Variants in COMMD1 observed in about 807,000 individuals in gnomAD.
The protein encoded by COMMD1 is COMM domain-containing protein 1.
A neutral mutation model predicts 17.2 loss-of-function variants in COMMD1; 10 were observed. That is an observed-to-expected ratio of 0.58 (90% confidence interval 0.36 to 0.99). The LOEUF is 0.99. Ranked by LOEUF, COMMD1 falls within the 50% of genes least tolerant of loss-of-function variation. The probability of loss-of-function intolerance (pLI) is 0.01; values close to 1 mark genes in which losing one functional copy is unlikely to be tolerated. For missense variants in COMMD1, 270 were observed against 231.8 expected (o/e 1.17, Z -1.07); for synonymous variants, 97 against 91.6 (o/e 1.06, Z -0.34).
chr2:61,977,091 G>T (rs1671822358), intron 1 of COMMD1, among the ~76,000 whole-genome samples: 1 of 151,804 alleles, frequency 6.6e-6, no homozygotes, highest in Non-Finnish European at 1.5e-5. Context: ...CAAAGTGCTG[G>T]GATTACAGGC....
chr2:62,086,918 C>T (rs779785353), intron 2 of COMMD1, among the ~76,000 whole-genome samples: 4 of 151,482 alleles, frequency 2.6e-5, no homozygotes, highest in Admixed American at 1.3e-4. Context: ...TGCGGTAGTG[C>T]GATCTCAGCT....
At chr2:61,940,594 C>T (rs13417827) in intron 1 of COMMD1, among the ~76,000 whole-genome samples, 12,031 of 152,204 alleles carry the variant, frequency 0.079, 1,131 homozygotes, top group African/African-American at 0.22. Flanking sequence ...TGTCAGCTTT[C>T]TCATGATAAC....
upstream of COMMD1, among the ~76,000 whole-genome samples, chr2:61,902,856 T>G (rs1403055175): frequency 6.6e-6 from 1 of 151,732 alleles, no homozygotes; most frequent in East Asian, 2.0e-4. Flanking sequence ...AAAATTAAAT[T>G]AAATGAAATT....
intron 2 of COMMD1, among the ~76,000 whole-genome samples, chr2:62,047,916 A>T (rs1327999905): frequency 6.6e-6 from 1 of 152,226 alleles, no homozygotes; most frequent in Admixed American, 6.5e-5. Flanking sequence ...AACATGCTGT[A>T]CAGGTTTATA....
intron 2 of COMMD1, among the ~76,000 whole-genome samples, chr2:62,026,018 T>C (rs191053129): frequency 6.6e-6 from 1 of 152,066 alleles, no homozygotes. Flanking sequence ...TTCTACCTAC[T>C]TTGCACTTAG....
intron 1 of COMMD1, among the ~76,000 whole-genome samples, chr2:61,933,033 T>A (rs576399450): frequency 2.9e-4 from 44 of 152,116 alleles, no homozygotes; most frequent in Admixed American, 9.2e-4. Flanking sequence ...GTGGAGGATT[T>A]TACTGGGCAA....
At chr2:62,048,825 G>A (rs986251956) in intron 2 of COMMD1, among the ~76,000 whole-genome samples, 1 of 152,054 alleles carries the variant, frequency 6.6e-6, no homozygotes, top group Non-Finnish European at 1.5e-5. Context: ...AGGCCTTGGG[G>A]TGAGTTCTGA....
At chr2:62,011,089 A>G (rs775881317) in intron 2 of COMMD1, among the ~76,000 whole-genome samples, 1 of 152,126 alleles carries the variant, frequency 6.6e-6, no homozygotes, top group African/African-American at 2.4e-5. Context: ...GTCTTACTCC[A>G]GATATGGCTA....
chr2:62,015,709 T>C (rs1159716704), intron 2 of COMMD1, among the ~76,000 whole-genome samples: 6 of 148,430 alleles, frequency 4.0e-5, no homozygotes, highest in Non-Finnish European at 5.9e-5. Context: ...TTTTTTTTTT[T>C]CTTTTTTTTT....
chr2:62,108,191 T>C (rs1672368357), intron 2 of COMMD1, among the ~76,000 whole-genome samples: 1 of 152,198 alleles, frequency 6.6e-6, no homozygotes, highest in East Asian at 1.9e-4. Context: ...TGCCTAAAAG[T>C]ATTTTAGGCA....
intron 1 of COMMD1, among the ~76,000 whole-genome samples, chr2:61,996,354 GTGTC>G (rs1668756839): frequency 1.4e-5 from 2 of 145,740 alleles, no homozygotes; most frequent in Admixed American, 7.0e-5. Flanking sequence ...GTGTGTGTGT[GTGTC>G]AGAAGTGGGA....
intron 2 of COMMD1, among the ~76,000 whole-genome samples, chr2:62,012,270 T>TACACATACAC (rs1553379281): frequency 7.7e-6 from 1 of 129,896 alleles, no homozygotes; most frequent in South Asian, 2.5e-4. Context: ...CACACACACA[T>TACACATACAC]ACACACACAC....
chr2:61,892,834 GC>G (rs1669465085), intron 1 of COMMD1, among the ~76,000 whole-genome samples: 1 of 151,714 alleles, frequency 6.6e-6, no homozygotes, highest in Non-Finnish European at 1.5e-5. Context: ...CCACCATTAA[GC>G]CCCGTTTTCC....
chr2:62,082,589 C>T (rs1477612515), intron 2 of COMMD1, among the ~76,000 whole-genome samples: 2 of 152,198 alleles, frequency 1.3e-5, no homozygotes, highest in African/African-American at 2.4e-5. Context: ...TGGCCGGGTG[C>T]GGTGGCTCAC....
At chr2:62,013,688 G>T (rs192709191) in intron 2 of COMMD1, among the ~76,000 whole-genome samples, 43 of 152,296 alleles carry the variant, frequency 2.8e-4, no homozygotes, top group Non-Finnish European at 5.6e-4. Context: ...AGTTGACTTG[G>T]AAGGGATGTA....
chr2:61,924,385 T>TGGTTGGAGAGGGGGGAA (rs1305625125), intron 1 of COMMD1, among the ~76,000 whole-genome samples: 12 of 78,830 alleles, frequency 1.5e-4, no homozygotes, highest in Non-Finnish European at 2.5e-4. Flanking sequence ...GGAGGGGGGA[T>TGGTTGGAGAGGGGGGAA]GGTTGGAGAG....
At chr2:62,038,403 G>C (rs1670099098) in intron 2 of COMMD1, among the ~76,000 whole-genome samples, 1 of 152,126 alleles carries the variant, frequency 6.6e-6, no homozygotes. Flanking sequence ...CAATAACTGA[G>C]AAATTGAAAA....
At chr2:62,082,121 GAT>G (rs1049199282) in intron 2 of COMMD1, among the ~76,000 whole-genome samples, 5 of 152,166 alleles carry the variant, frequency 3.3e-5, no homozygotes, top group Admixed American at 6.5e-5. Flanking sequence ...TTAGGAATTA[GAT>G]ATAGGACCTC....
intron 2 of COMMD1, among the ~76,000 whole-genome samples, chr2:62,035,985 C>T (rs13394374): frequency 0.036 from 5,415 of 151,578 alleles, 102 homozygotes; most frequent in African/African-American, 0.05. Context: ...TCCTGGGAGG[C>T]GGAGGCTGCA....
Sources: gnomAD v4.1 joint callset for allele counts (sites outside exome capture counted in the v4.1 genomes callset) on GRCh38, gnomAD v4.1.1 for gene constraint, MANE v1.5 for transcripts, NCBI Gene and HGNC (gene_info 2026-07-23, HGNC 2026-07-21) for gene names.